Variants in DBF4B observed in about 807,000 individuals in gnomAD.
DBF4B encodes the protein protein DBF4 homolog B.
Under a neutral mutation model 53.4 loss-of-function variants are expected in DBF4B, and 49 were observed. The ratio of observed to expected loss-of-function variants is 0.92; its 90% confidence interval spans 0.73 to 1.16. DBF4B has a LOEUF of 1.16. DBF4B is among the 50% of genes most tolerant of loss of function. DBF4B has a pLI of 0.00. For missense variants in DBF4B, 692 were observed against 775.0 expected, an observed-to-expected ratio of 0.89 and a Z score of 1.27; for synonymous variants, 257 against 288.7, an observed-to-expected ratio of 0.89 and a Z score of 1.11.
intron 3 of DBF4B, among the ~76,000 whole-genome samples, chr17:44,728,071 C>T (rs2144913851): frequency 6.6e-6 from 1 of 152,120 alleles, no homozygotes. Flanking sequence ...GGTGGTTTAT[C>T]TGGTGGTTTC....
intron 2 of DBF4B, among the ~76,000 whole-genome samples, chr17:44,721,639 CAGAT>C (rs1367899768): frequency 6.6e-6 from 1 of 152,080 alleles, no homozygotes; most frequent in Non-Finnish European, 1.5e-5. Context: ...ATTATTATGA[CAGAT>C]AGACAATCTA....
chr17:44,723,081 T>C, intron 3 of DBF4B, 59 bp downstream of exon 3: 1 of 1,597,616 alleles, frequency 6.3e-7, no homozygotes, highest in Non-Finnish European at 8.5e-7. Flanking sequence ...AGAGCAGGAG[T>C]TGGATGGGGA....
At chr17:44,712,380 C>T (rs1972965415) in intron 2 of DBF4B, among the ~76,000 whole-genome samples, 1 of 135,966 alleles carries the variant, frequency 7.4e-6, no homozygotes, top group South Asian at 2.6e-4. Flanking sequence ...TCTCGGCTCA[C>T]TGCAACCTCT....
chr17:44,748,311 C>A, intron 12 of DBF4B, 30 bp from the exon 13 acceptor site: 1 of 1,563,904 alleles, frequency 6.4e-7, no homozygotes, highest in Non-Finnish European at 8.7e-7. Context: ...AAGTTGAAAC[C>A]TGCAGCTCAC....
chr17:44,746,964 A>T, intron 10 of DBF4B, 119 bp from the exon 11 acceptor site: 1 of 861,374 alleles, frequency 1.2e-6, no homozygotes, highest in Non-Finnish European at 1.9e-6. Flanking sequence ...GTGCCTGCAC[A>T]GCCCCTTGGC....
At chr17:44,710,327 C>G (rs1972758036) in intron 2 of DBF4B, among the ~76,000 whole-genome samples, 1 of 151,964 alleles carries the variant, frequency 6.6e-6, no homozygotes. Context: ...TTCTGTTTCT[C>G]TGGAGAACTT....
rs68091397 is a variant in DBF4B at position 44,725,684 on chromosome 17, C to CTTTT, written c.225+2679_225+2682dup. Among the ~76,000 whole-genome samples, 269 of 87,618 alleles carry CTTTT rather than the reference C, an allele frequency of 3.1e-3. 24 individuals are homozygous for CTTTT. Among genetic ancestry groups the CTTTT allele is most frequent in the Non-Finnish European group, 5.2e-3 (226 of 43,410 alleles). 57.5% of individuals were successfully genotyped at this position (87,618 alleles called of 152,430 possible). On this transcript the variant is annotated intron_variant, in intron 3 of 13. Transcript: ENST00000315005. The stretch of plus-strand genomic sequence containing the variant: ...ATCCTGCCTTTGTTTTTTTGTGCTT[C>CTTTT]TTTTTTTTTTTTTTTTTTTTAAGAG...
chr17:44,720,294 G>A, intron 2 of DBF4B: 1 of 261,578 alleles, frequency 3.8e-6, no homozygotes, highest in Non-Finnish European at 7.6e-6. Flanking sequence ...AACCACCTGG[G>A]TACCACTGTT....
intron 2 of DBF4B, among the ~76,000 whole-genome samples, chr17:44,712,365 AATC>A (rs1362724814): frequency 1.5e-3 from 194 of 132,210 alleles, no homozygotes; most frequent in African/African-American, 5.0e-3. Flanking sequence ...GCAGTGGCAC[AATC>A]ATCTCGGCTC....
rs117675910 is a variant in DBF4B, at chr17:44,719,794, G to A, written c.83-3086G>A. 1,282 of 221,262 alleles carry A rather than the reference G, an allele frequency of 5.8e-3. 8 individuals carry two copies. The highest frequency in any genetic ancestry group is 7.0e-3 in the Non-Finnish European group (730 of 104,000). 13.7% of individuals were successfully genotyped at this position (221,262 alleles called of 1,614,324 possible). ...CAATTTGTGAGGATAAATTCCATTC[G>A]TTAGGGCAGACACAGATCACAGGTA... On this transcript the variant is annotated intron_variant, in intron 2 of 13. Coordinates refer to ENST00000315005, the MANE Select transcript of DBF4B (RefSeq NM_145663.3).
chr17:44,748,184 A>C (rs1044544186), intron 12 of DBF4B, among the ~76,000 whole-genome samples, 157 bp from the exon 13 acceptor site: 2 of 152,224 alleles, frequency 1.3e-5, no homozygotes, highest in African/African-American at 4.8e-5. Flanking sequence ...GCGGCAGGTT[A>C]GACCCAAACA....
intron 2 of DBF4B, among the ~76,000 whole-genome samples, chr17:44,722,638 G>C (rs1482566887): frequency 6.6e-6 from 1 of 152,222 alleles, no homozygotes; most frequent in Non-Finnish European, 1.5e-5. Context: ...CCTAGATTTA[G>C]ATTCTAAGGA....
At chr17:44,738,230 A>T in intron 8 of DBF4B, 149 bp from the exon 9 acceptor site, 3 of 764,298 alleles carry the variant, frequency 3.9e-6, no homozygotes, top group Non-Finnish European at 6.1e-6. Flanking sequence ...GAGTGAATGG[A>T]GAGCGCAGCC....
chr17:44,709,285 C>G lies in DBF4B; in HGVS notation c.20-19C>G. The G allele has an allele frequency of 6.2e-7, 1 of 1,613,996 alleles. No individual in the cohort carries two copies. The highest frequency in any genetic ancestry group is 8.5e-7 in the Non-Finnish European group (1 of 1,179,992). On this transcript the variant is annotated intron_variant, in intron 1 of 13. Transcript: ENST00000315005. ...AGGGTTGGTGAAGATGGTTGAGTTG[C>G]TGTTATGTCCTTTCTCAGGAGACGA...
chr17:44,741,823 C>T (rs547354189), intron 10 of DBF4B, among the ~76,000 whole-genome samples: 23 of 152,300 alleles, frequency 1.5e-4, no homozygotes, highest in Admixed American at 1.0e-3. Flanking sequence ...TGCAACCAGA[C>T]ATGGTGCACC....
intron 2 of DBF4B, among the ~76,000 whole-genome samples, chr17:44,717,707 C>CAA (rs539318780): frequency 1.9e-3 from 164 of 85,776 alleles, no homozygotes; most frequent in Middle Eastern, 7.8e-3. Flanking sequence ...GACCTGGTCT[C>CAA]AAAAAAAAAA....
chr17:44,745,542 G>T (rs775923956), intron 10 of DBF4B, among the ~76,000 whole-genome samples: 1 of 152,172 alleles, frequency 6.6e-6, no homozygotes, highest in South Asian at 2.1e-4. Context: ...GAGTGAAGGG[G>T]GAAGAGCCCC....
At position 44,749,261 on chromosome 17, in the gene DBF4B, C is replaced by A; in HGVS notation, c.1189+796C>A. 7.7e-7 allele frequency: 1 copy of A among 1,290,586 alleles called. No homozygotes were observed. Among genetic ancestry groups the A allele is most frequent in the South Asian group, 1.2e-5 (1 of 81,776 alleles). The allele number at this position is 1,290,586 out of a possible 1,614,324, so 79.9% of individuals were successfully genotyped here. A position where few individuals can be genotyped will look rare whatever the true frequency, so the allele number is the denominator to read the frequency against. ...TGTCTCCCTGTCTCCCAGCCCTGGT[C>A]CCAACCCCAGCCCCAGCCCCAGCCC... On this transcript the variant is annotated intron_variant, in intron 13 of 13. Transcript: ENST00000315005. This position sits in a 1 kb window ranked among gnomAD's most constrained non-coding sequence, Gnocchi z 4.4.
At chr17:44,726,586 A>AT (rs1213883666) in intron 3 of DBF4B, among the ~76,000 whole-genome samples, 1 of 151,684 alleles carries the variant, frequency 6.6e-6, no homozygotes, top group East Asian at 1.9e-4. Context: ...TTTATTATCA[A>AT]TTTTTTACCC....
Sources: allele counts gnomAD v4.1 joint callset (sites outside exome capture counted in the v4.1 genomes callset), GRCh38; gene constraint gnomAD v4.1.1; non-coding constraint Gnocchi (gnomAD v3.1); transcripts MANE v1.5; gene names NCBI Gene and HGNC (gene_info 2026-07-23, HGNC 2026-07-21).